RIT2: variants seen among roughly 807,000 people sequenced by gnomAD.
The protein encoded by RIT2 is Ras like without CAAX 2, also known as GTP-binding protein Rit2.
RIT2 carries 24 observed loss-of-function variants against 23.7 expected under a neutral mutation model. That is an observed-to-expected ratio of 1.01 (90% confidence interval 0.73 to 1.43). The LOEUF (loss-of-function observed/expected upper bound fraction) is 1.43. Among genes scored for constraint, RIT2 ranks in the 40% most tolerant of loss-of-function variants. The probability of loss-of-function intolerance (pLI) is 0.00; values close to 1 mark genes in which losing one functional copy is unlikely to be tolerated. For synonymous variants in RIT2, 107 were observed against 91.1 expected (o/e 1.17, Z -0.99); for missense variants, 236 against 266.9 (o/e 0.88, Z 0.81).
At chr18:42,855,113 C>A (rs1907148559) in intron 4 of RIT2, among the ~76,000 whole-genome samples, 1 of 152,130 alleles carries the variant, frequency 6.6e-6, no homozygotes, top group African/African-American at 2.4e-5. Context: ...TAAGTGTTCT[C>A]ATTTCTAAAA....
intron 1 of RIT2, among the ~76,000 whole-genome samples, chr18:43,110,467 C>T (rs536007511): frequency 4.6e-5 from 7 of 152,204 alleles, no homozygotes; most frequent in South Asian, 2.1e-4. Context: ...CATTGAGGAA[C>T]GGCCTTGCTG....
At chr18:43,104,895 G>A (rs776773168) in intron 1 of RIT2, among the ~76,000 whole-genome samples, 6 of 152,082 alleles carry the variant, frequency 3.9e-5, no homozygotes, top group African/African-American at 1.2e-4. Flanking sequence ...CCCTTTAAAT[G>A]TTCAGTGTTG....
intron 4 of RIT2, among the ~76,000 whole-genome samples, chr18:42,913,058 A>C (rs2144121072): frequency 6.6e-6 from 1 of 152,062 alleles, no homozygotes; most frequent in East Asian, 1.9e-4. Context: ...AGACGGATCA[A>C]AGGAACAGAA....
At chr18:43,021,428 A>G (rs1294605038) in intron 2 of RIT2, among the ~76,000 whole-genome samples, 4 of 152,108 alleles carry the variant, frequency 2.6e-5, no homozygotes, top group African/African-American at 9.7e-5. Flanking sequence ...TTACACACTG[A>G]TGGTGAAAAT....
intron 4 of RIT2, among the ~76,000 whole-genome samples, chr18:42,837,927 A>G (rs1906662972): frequency 6.6e-6 from 1 of 152,230 alleles, no homozygotes; most frequent in African/African-American, 2.4e-5. Flanking sequence ...ATGAAGTAGA[A>G]AAATAAACGA....
intron 4 of RIT2, among the ~76,000 whole-genome samples, chr18:42,850,973 T>G (rs921255566): frequency 6.6e-6 from 1 of 152,220 alleles, no homozygotes; most frequent in Non-Finnish European, 1.5e-5. Flanking sequence ...CCAGATGTTA[T>G]ATATTTTTCA....
chr18:42,860,338 T>C (rs1290907587), intron 4 of RIT2, among the ~76,000 whole-genome samples: 1 of 152,218 alleles, frequency 6.6e-6, no homozygotes, highest in Non-Finnish European at 1.5e-5. Flanking sequence ...TGGGGCAAGT[T>C]AAAAATGCCA....
At chr18:43,009,178 T>A (rs998530629) in intron 2 of RIT2, among the ~76,000 whole-genome samples, 4 of 151,542 alleles carry the variant, frequency 2.6e-5, no homozygotes, top group South Asian at 4.1e-4. Context: ...ACCGAAGACA[T>A]CCTAATTCCC....
chr18:43,026,634 A>AAGAAAGAAAGAGAGAGAGAG (rs1555652917), intron 2 of RIT2, among the ~76,000 whole-genome samples: 4 of 100,278 alleles, frequency 4.0e-5, no homozygotes, highest in Admixed American at 9.7e-5. Flanking sequence ...GAAAGAAAGA[A>AAGAAAGAAAGAGAGAGAGAG]AGAGAGAAAG....
At chr18:42,991,560 G>A (rs1485520194) in intron 2 of RIT2, among the ~76,000 whole-genome samples, 2 of 152,194 alleles carry the variant, frequency 1.3e-5, no homozygotes, top group Non-Finnish European at 2.9e-5. Context: ...ACAGGGACGA[G>A]ATGGCCGGTT....
intron 4 of RIT2, among the ~76,000 whole-genome samples, chr18:42,865,023 C>A (rs951980248): frequency 6.6e-6 from 1 of 152,202 alleles, no homozygotes; most frequent in Non-Finnish European, 1.5e-5. Context: ...GTAACTCATT[C>A]TTATCAGCTC....
intron 4 of RIT2, among the ~76,000 whole-genome samples, chr18:42,804,562 A>G (rs1398130185): frequency 1.8e-5 from 2 of 111,154 alleles, no homozygotes; most frequent in Non-Finnish European, 3.5e-5. Flanking sequence ...CCTCAAAACT[A>G]AAAAAAAAAA....
intron 1 of RIT2, among the ~76,000 whole-genome samples, chr18:43,034,986 G>A (rs2144285752): frequency 6.6e-6 from 1 of 152,264 alleles, no homozygotes; most frequent in South Asian, 2.1e-4. Context: ...GTTCTATACT[G>A]AGGACTCTTT....
intron 1 of RIT2, among the ~76,000 whole-genome samples, chr18:43,108,007 CAAAAAA>C (rs5824469): frequency 8.8e-5 from 12 of 136,292 alleles, no homozygotes; most frequent in African/African-American, 3.3e-4. Flanking sequence ...ACTAAAAATA[CAAAAAA>C]AAAAAAAAAA....
chr18:43,067,546 T>C (rs1912799557), intron 1 of RIT2, among the ~76,000 whole-genome samples: 1 of 152,204 alleles, frequency 6.6e-6, no homozygotes, highest in Admixed American at 6.5e-5. Context: ...AATCAGGGGC[T>C]TCTTGTTTAT....
chr18:42,798,810 G>A (rs1479918261), intron 4 of RIT2, among the ~76,000 whole-genome samples: 2 of 152,164 alleles, frequency 1.3e-5, no homozygotes, highest in Admixed American at 6.5e-5. Context: ...TATTCACAAG[G>A]ACTTAATTGA....
intron 4 of RIT2, among the ~76,000 whole-genome samples, chr18:42,781,699 T>A (rs1326849383): frequency 6.6e-6 from 1 of 152,244 alleles, no homozygotes; most frequent in Non-Finnish European, 1.5e-5. Context: ...TTTGGGGATT[T>A]TTGTTCTGTG....
At chr18:43,028,185 T>C (rs899260891) in intron 2 of RIT2, among the ~76,000 whole-genome samples, 27 of 152,218 alleles carry the variant, frequency 1.8e-4, no homozygotes, top group Non-Finnish European at 2.6e-4. Context: ...TATGTGTGTA[T>C]GTGTCTGTAT....
In RIT2 at chr18:42,890,609, G is replaced by T. The variant is rs534110351; in HGVS notation, c.426+32963C>A. Among the ~76,000 whole-genome samples the T allele has an allele frequency of 3.3e-5, 5 of 151,804 alleles. No homozygotes were observed. The East Asian group carries it at 7.8e-4, about 24-fold the overall frequency. ...AAGGAGAAGCAGGGAGGAAAGAAGG[G>T]AGTGATGAAAGCATAGACGTTCTAA... On this transcript the variant is annotated intron_variant, in intron 4 of 4. Transcript: ENST00000326695.
Sources: allele counts gnomAD v4.1 joint callset (sites outside exome capture counted in the v4.1 genomes callset), GRCh38; gene constraint gnomAD v4.1.1; transcripts MANE v1.5; gene names NCBI Gene and HGNC (gene_info 2026-07-23, HGNC 2026-07-21).